Variants in ZDHHC15 observed in about 807,000 individuals in gnomAD.
ZDHHC15 encodes the protein palmitoyltransferase ZDHHC15.
ZDHHC15 carries 19 observed loss-of-function variants against 31.7 expected under a neutral mutation model. That is an observed-to-expected ratio of 0.60 (90% CI 0.42 to 0.88). ZDHHC15 has a LOEUF of 0.88. Ranked by LOEUF, ZDHHC15 falls within the 40% of genes least tolerant of loss-of-function variation. The pLI is 0.00. For synonymous variants in ZDHHC15, 103 were observed against 90.0 expected (o/e 1.14, Z -0.82); for missense variants, 209 against 251.2 (o/e 0.83, Z 1.14).
rs2083009267 is a variant in ZDHHC15 at position 75,371,935 on chromosome X, C to T, written c.*1043G>A. 1 of 111,961 alleles carries T rather than the reference C, an allele frequency of 8.9e-6. No homozygotes were observed. The highest frequency in any genetic ancestry group is 3.2e-5 in the African/African-American group (1 of 30,822). The allele number at this position is 111,961 out of a possible 1,213,427, so 9.2% of individuals were successfully genotyped here. ...CTGGCATATTACTATTTGGTTATCACTGTCTGTACAATAGCCCCTGCTATG... is the reference window on the plus strand; with the variant it reads ...CTGGCATATTACTATTTGGTTATCATTGTCTGTACAATAGCCCCTGCTATG... On this transcript the variant is annotated 3_prime_UTR_variant, in exon 12 of 12. Transcript: ENST00000373367.
At position 75,368,502 on chromosome X, in the gene ZDHHC15, A is replaced by T. The variant is rs1249762578; in HGVS notation, c.*4476T>A. Reference sequence around the variant, plus strand: ...CATTTGTCAATATTTCTGCACCAAGACACATGGTTTTAAGAATACTATATA... The same window carrying T: ...CATTTGTCAATATTTCTGCACCAAGTCACATGGTTTTAAGAATACTATATA... On this transcript the variant is annotated 3_prime_UTR_variant, in exon 12 of 12. Transcript: ENST00000373367. The T allele has an allele frequency of 8.9e-6, 1 of 111,860 alleles. No individual in the cohort carries two copies. Among genetic ancestry groups the T allele is most frequent in the African/African-American group, 3.3e-5 (1 of 30,758 alleles). The allele number at this position is 111,860 out of a possible 1,213,427, so 9.2% of individuals were successfully genotyped here.
rs889042695 is a variant in ZDHHC15 at position 75,390,326 on chromosome X, T to C, written c.968-11128A>G. ...GGGAAGAACAGAAACCTGGCTGGCTTTGCAACCTGCTGATTGTAGAGCCCT... is the reference window on the plus strand; with the variant it reads ...GGGAAGAACAGAAACCTGGCTGGCTCTGCAACCTGCTGATTGTAGAGCCCT... On this transcript the variant is annotated intron_variant, in intron 10 of 11. Transcript: ENST00000373367. Among the ~76,000 whole-genome samples, 4 of 111,611 alleles carry C rather than the reference T, an allele frequency of 3.6e-5. No homozygotes were observed. In the Admixed American group the frequency reaches 3.8e-4, roughly 11 times the overall value.
At chrX:75,450,946 G>A (rs371237866) in intron 3 of ZDHHC15, 24 bp from the exon 4 acceptor site, 149 of 1,190,963 alleles carry the variant, frequency 1.3e-4, no homozygotes, top group Non-Finnish European at 1.5e-4. Flanking sequence ...TGAAAGGTAA[G>A]ACTTTATTAT....
At chrX:75,421,422 A>AAT (rs1193780470) in intron 9 of ZDHHC15, among the ~76,000 whole-genome samples, 1 of 54,602 alleles carries the variant, frequency 1.8e-5, no homozygotes, top group Non-Finnish European at 3.1e-5. Flanking sequence ...ATATATATAT[A>AAT]ATATATATAT....
At chrX:75,463,185 C>T (rs2084347061) in intron 3 of ZDHHC15, among the ~76,000 whole-genome samples, 1 of 110,828 alleles carries the variant, frequency 9.0e-6, no homozygotes, top group Non-Finnish European at 1.9e-5. Context: ...GGTACATACA[C>T]CCTCCCAAGA....
chrX:75,435,757 G>A (rs1279102678), intron 4 of ZDHHC15, among the ~76,000 whole-genome samples: 1 of 111,757 alleles, frequency 8.9e-6, no homozygotes, highest in Non-Finnish European at 1.9e-5. Context: ...ATTTTGTTGA[G>A]GATTTCTGCA....
chrX:75,451,610 T>C (rs2084119844), intron 3 of ZDHHC15, among the ~76,000 whole-genome samples: 1 of 111,489 alleles, frequency 9.0e-6, no homozygotes, highest in African/African-American at 3.3e-5. Context: ...AAAAAAAGGA[T>C]CTGTGGTCAG....
intron 3 of ZDHHC15, among the ~76,000 whole-genome samples, chrX:75,452,339 ACTAAT>A (rs1179654011): frequency 1.8e-5 from 2 of 111,660 alleles, no homozygotes; most frequent in African/African-American, 6.5e-5. Flanking sequence ...AGAAGAGCTA[ACTAAT>A]CTAAATATAT....
intron 4 of ZDHHC15, among the ~76,000 whole-genome samples, chrX:75,440,425 G>A (rs1168017536): frequency 3.6e-5 from 4 of 110,896 alleles, no homozygotes; most frequent in African/African-American, 1.3e-4. Context: ...GACTACAGGC[G>A]CCCACCACCA....
At chrX:75,444,637 A>C (rs1452145612) in intron 4 of ZDHHC15, among the ~76,000 whole-genome samples, 2 of 53,689 alleles carry the variant, frequency 3.7e-5, no homozygotes, top group Non-Finnish European at 3.3e-5. Context: ...AAAAAGCAAC[A>C]CTGTATATAT....
chrX:75,502,775 C>T, intron 2 of ZDHHC15, among the ~76,000 whole-genome samples: 1 of 110,882 alleles, frequency 9.0e-6, no homozygotes. Context: ...ATTTCCCAGT[C>T]ATGATCTTCA....
chrX:75,449,825 C>G (rs2084090237), intron 4 of ZDHHC15, among the ~76,000 whole-genome samples: 1 of 111,976 alleles, frequency 8.9e-6, no homozygotes, highest in Non-Finnish European at 1.9e-5. Context: ...GGTTTTCAAA[C>G]TTTTTAACAT....
intron 4 of ZDHHC15, among the ~76,000 whole-genome samples, chrX:75,437,413 T>C (rs2083871590): frequency 1.1e-5 from 1 of 89,104 alleles, no homozygotes; most frequent in African/African-American, 4.1e-5. Context: ...ATTAGGTATA[T>C]CTCCCAATGC....
chrX:75,399,214 C>T (rs1369011287), intron 10 of ZDHHC15, among the ~76,000 whole-genome samples: 1 of 111,339 alleles, frequency 9.0e-6, no homozygotes, highest in Non-Finnish European at 1.9e-5. Flanking sequence ...CCAGCCACCC[C>T]CCACCAGAGC....
At chrX:75,428,359 T>C (rs1162841214) in intron 7 of ZDHHC15, among the ~76,000 whole-genome samples, 3 of 112,096 alleles carry the variant, frequency 2.7e-5, no homozygotes, top group African/African-American at 9.7e-5. Context: ...TTTTTGGAAG[T>C]AGTTGGATAT....
At chrX:75,397,136 G>A (rs762729265) in intron 10 of ZDHHC15, among the ~76,000 whole-genome samples, 5 of 110,228 alleles carry the variant, frequency 4.5e-5, no homozygotes, top group Non-Finnish European at 9.5e-5. Flanking sequence ...AGACCAGCCT[G>A]GCCAACATGG....
rs1027285936 is a variant in ZDHHC15 at position 75,371,767 on chromosome X, T to G, written c.*1211A>C. The G allele has an allele frequency of 5.4e-5, 6 of 111,790 alleles. No individual in the cohort carries two copies. Among genetic ancestry groups the G allele is most frequent in the Non-Finnish European group, 1.1e-4 (6 of 53,161 alleles). The allele number at this position is 111,790 out of a possible 1,213,427, so 9.2% of individuals were successfully genotyped here. ...TATCAATACTCTTAAGATATTATTA[T>G]TGTAAAGAATCAGTACTAGTATTCT... On this transcript the variant is annotated 3_prime_UTR_variant, in exon 12 of 12. Transcript: ENST00000373367.
At chrX:75,473,571 C>A (rs1027320658) in intron 3 of ZDHHC15, among the ~76,000 whole-genome samples, 3 of 111,121 alleles carry the variant, frequency 2.7e-5, no homozygotes, top group Non-Finnish European at 5.7e-5. Flanking sequence ...AGTCAACAAG[C>A]TAAGAATGGA....
chrX:75,450,670 G>A (rs376093297), intron 4 of ZDHHC15, 132 bp downstream of exon 4: 6 of 1,171,722 alleles, frequency 5.1e-6, no homozygotes, highest in Non-Finnish European at 5.7e-6. Flanking sequence ...GAAATAAAAT[G>A]TGGAGAAAAA....
Sources: allele counts gnomAD v4.1 joint callset (sites outside exome capture counted in the v4.1 genomes callset), GRCh38; gene constraint gnomAD v4.1.1; transcripts MANE v1.5; gene names NCBI Gene and HGNC (gene_info 2026-07-23, HGNC 2026-07-21).